The following SAMD12 variants were observed in gnomAD, a reference collection of about 807,000 sequenced individuals.
SAMD12 encodes the protein sterile alpha motif domain-containing protein 12.
In SAMD12, 9 loss-of-function variants were observed where a neutral mutation model predicts 15.0. The ratio of observed to expected loss-of-function variants is 0.60; its 90% confidence interval spans 0.36 to 1.05. The LOEUF is 1.05. Among genes scored for constraint, SAMD12 ranks in the 50% least tolerant of loss-of-function variants. The pLI is 0.01. For missense variants in SAMD12, 230 were observed against 234.2 expected, an observed-to-expected ratio of 0.98 and a Z score of 0.12; for synonymous variants, 86 against 90.1, an observed-to-expected ratio of 0.96 and a Z score of 0.25.
In SAMD12 at chr8:118,445,062, T is replaced by TA. The variant is rs1373632507; in HGVS notation, c.193-5102dup. Among the ~76,000 whole-genome samples the TA allele has an allele frequency of 2.0e-5, 3 of 152,216 alleles. No homozygotes were observed. In the East Asian group the frequency reaches 5.8e-4, roughly 29 times the overall value. ...TCTAAGAATTGCCTATTTCTTCCCT[T>TA]ACTATCTTGCAATGTCCTTTCTTTA... On this transcript the variant is annotated intron_variant, in intron 2 of 3. Transcript: ENST00000314727.
intron 1 of SAMD12, chr8:118,621,512 T>C (rs866834076): frequency 4.1e-6 from 2 of 488,620 alleles, no homozygotes; most frequent in Non-Finnish European, 7.3e-6. Flanking sequence ...TGCCGGATCC[T>C]CCGGCTTTCC....
the SAMD12 span, among the ~76,000 whole-genome samples, chr8:118,178,511 G>A: frequency 6.6e-6 from 1 of 151,948 alleles, no homozygotes; most frequent in Non-Finnish European, 1.5e-5. Flanking sequence ...TGTCACCCAG[G>A]ATGGAGTGCA....
intron 2 of SAMD12, among the ~76,000 whole-genome samples, chr8:118,563,458 G>A (rs1826763253): frequency 6.6e-6 from 1 of 152,100 alleles, no homozygotes; most frequent in Admixed American, 6.5e-5. Flanking sequence ...GCTCTAAAGA[G>A]GACTCCAGGA....
chr8:118,349,809 A>C (rs1817865195), intron 4 of SAMD12, among the ~76,000 whole-genome samples: 1 of 152,162 alleles, frequency 6.6e-6, no homozygotes. Flanking sequence ...CTGTTTTCAC[A>C]GTACAGAGCA....
the SAMD12 span, among the ~76,000 whole-genome samples, chr8:118,181,878 T>G: frequency 6.6e-6 from 1 of 152,234 alleles, no homozygotes; most frequent in East Asian, 1.9e-4. Flanking sequence ...TAAACGTAAT[T>G]GCTATTCTAG....
intron 4 of SAMD12, among the ~76,000 whole-genome samples, chr8:118,370,453 T>C (rs1162261598): frequency 1.3e-5 from 2 of 152,176 alleles, no homozygotes; most frequent in African/African-American, 2.4e-5. Flanking sequence ...CAAAGGAATA[T>C]AAATCATTCT....
At chr8:118,582,945 G>A (rs183761427) in intron 1 of SAMD12, among the ~76,000 whole-genome samples, 44 of 151,142 alleles carry the variant, frequency 2.9e-4, no homozygotes, top group Admixed American at 1.9e-3. Context: ...CCATAGCACC[G>A]ACTTTATCCT....
the SAMD12 span, among the ~76,000 whole-genome samples, chr8:118,133,415 A>G: frequency 6.6e-6 from 1 of 152,068 alleles, no homozygotes; most frequent in Non-Finnish European, 1.5e-5. Flanking sequence ...AACATGTGCC[A>G]TGGTGGTTTG....
At chr8:118,132,972 G>GTATATATATA in the SAMD12 span, among the ~76,000 whole-genome samples, 6 of 48,238 alleles carry the variant, frequency 1.2e-4, no homozygotes, top group Non-Finnish European at 2.2e-4. Flanking sequence ...GTGTGTGTGT[G>GTATATATATA]TATATATATA....
chr8:118,539,397 A>G (rs1825931645), intron 2 of SAMD12, among the ~76,000 whole-genome samples: 1 of 152,202 alleles, frequency 6.6e-6, no homozygotes, highest in Admixed American at 6.5e-5. Flanking sequence ...ACTTCTACCC[A>G]GGATCAGGAG....
chr8:118,592,927 G>A (rs1827619631), intron 1 of SAMD12, among the ~76,000 whole-genome samples: 2 of 152,168 alleles, frequency 1.3e-5, no homozygotes, highest in South Asian at 2.1e-4. Context: ...ACAGAAATAT[G>A]TAAAAGCCAT....
At chr8:118,609,656 C>T (rs1466815934) in intron 1 of SAMD12, among the ~76,000 whole-genome samples, 1 of 152,192 alleles carries the variant, frequency 6.6e-6, no homozygotes, top group African/African-American at 2.4e-5. Flanking sequence ...ATCTGCCCAC[C>T]CTGTTCGTTT....
intron 4 of SAMD12, among the ~76,000 whole-genome samples, chr8:118,321,881 A>C (rs73323628): frequency 0.029 from 4,491 of 152,248 alleles, 198 homozygotes; most frequent in African/African-American, 0.1. Flanking sequence ...GTTTAAATAT[A>C]AATACTTTAG....
At chr8:118,614,769 C>T (rs1828200118) in intron 1 of SAMD12, among the ~76,000 whole-genome samples, 1 of 152,244 alleles carries the variant, frequency 6.6e-6, no homozygotes, top group Admixed American at 6.5e-5. Context: ...CCAACAGCTG[C>T]TGTCCTGTCC....
intron 2 of SAMD12, among the ~76,000 whole-genome samples, chr8:118,560,599 A>G (rs987853833): frequency 3.3e-5 from 5 of 152,236 alleles, no homozygotes; most frequent in Admixed American, 2.0e-4. Flanking sequence ...ATAGATAACA[A>G]AAGAGAAATG....
intron 4 of SAMD12, among the ~76,000 whole-genome samples, chr8:118,242,979 C>G (rs1353060008): frequency 6.6e-6 from 1 of 152,112 alleles, no homozygotes; most frequent in East Asian, 1.9e-4. Context: ...AAAGGAGGCC[C>G]TCACCTGCTC....
intron 2 of SAMD12, among the ~76,000 whole-genome samples, chr8:118,475,937 A>G (rs1823947324): frequency 6.6e-6 from 1 of 152,234 alleles, no homozygotes; most frequent in Non-Finnish European, 1.5e-5. Flanking sequence ...TGTATCTGCA[A>G]GAAGATAGGT....
chr8:118,511,094 G>A lies in SAMD12; in HGVS notation c.192+69621C>T, dbSNP rs190252290. On this transcript the variant is annotated intron_variant, in intron 2 of 3. Coordinates refer to ENST00000314727, the MANE Select transcript of SAMD12 (RefSeq NM_207506.3). ...TTATCATTGACAACTCATCTAGAAC[G>A]GTAGAAGAAAATTGAACTGTTTAAA... Among the ~76,000 whole-genome samples the A allele has an allele frequency of 4.1e-4, 63 of 152,160 alleles. 1 individual carries two copies. Among genetic ancestry groups the A allele is most frequent in the African/African-American group, 1.0e-3 (43 of 41,510 alleles).
chr8:118,407,611 C>T (rs987444282), intron 3 of SAMD12, among the ~76,000 whole-genome samples: 1 of 152,140 alleles, frequency 6.6e-6, no homozygotes, highest in East Asian at 1.9e-4. Flanking sequence ...TATTTTTAAA[C>T]TAACCAACTA....
Sources: gnomAD v4.1 joint callset for allele counts (sites outside exome capture counted in the v4.1 genomes callset) on GRCh38, gnomAD v4.1.1 for gene constraint, MANE v1.5 for transcripts, NCBI Gene and HGNC (gene_info 2026-07-23, HGNC 2026-07-21) for gene names.